The following ENPP1 variants were observed in gnomAD, a reference collection of about 807,000 sequenced individuals.
The protein encoded by ENPP1 is ectonucleotide pyrophosphatase/phosphodiesterase 1, also known as ectonucleotide pyrophosphatase/phosphodiesterase family member 1.
A neutral mutation model predicts 122.8 loss-of-function variants in ENPP1; 73 were observed. That is an observed-to-expected ratio of 0.59 (90% confidence interval 0.49 to 0.72). The LOEUF is 0.72. ENPP1 is among the 30% of genes least tolerant of loss of function. The pLI is 0.00. For missense variants in ENPP1, 978 were observed against 1,128.1 expected, an observed-to-expected ratio of 0.87 and a Z score of 1.91; for synonymous variants, 367 against 391.6, an observed-to-expected ratio of 0.94 and a Z score of 0.74.
At chr6:131,834,261 C>T (rs988581630) in intron 1 of ENPP1, among the ~76,000 whole-genome samples, 2 of 152,082 alleles carry the variant, frequency 1.3e-5, no homozygotes, top group South Asian at 4.1e-4. Flanking sequence ...ATGTTTGGTA[C>T]TTATTGAAAC....
intron 19 of ENPP1, among the ~76,000 whole-genome samples, chr6:131,879,536 T>A (rs1782275251): frequency 6.6e-6 from 1 of 152,170 alleles, no homozygotes; most frequent in Non-Finnish European, 1.5e-5. Flanking sequence ...ATTAAAAAAA[T>A]TTGCTTTCTG....
rs935163874 is a variant in ENPP1 at position 131,891,884 on chromosome 6, G to A, written c.*1373G>A. 2 of 148,208 alleles carry A rather than the reference G, an allele frequency of 1.3e-5. No homozygotes were observed. The highest frequency in any genetic ancestry group is 3.0e-5 in the Non-Finnish European group (2 of 67,432). The allele number at this position is 148,208 out of a possible 1,614,324, so 9.2% of individuals were successfully genotyped here. On this transcript the variant is annotated 3_prime_UTR_variant, in exon 25 of 25. Coordinates refer to ENST00000647893, the MANE Select transcript of ENPP1 (RefSeq NM_006208.3). ...TCGAAGCTCACTGATTCTTTATTCT[G>A]TCTAATCTGTTCTGCTGTTGAGCCC...
chr6:131,852,079 A>C, intron 4 of ENPP1, 96 bp from the exon 5 acceptor site: 1 of 786,186 alleles, frequency 1.3e-6, no homozygotes, highest in Non-Finnish European at 2.3e-6. Flanking sequence ...CTGTTCACAT[A>C]CTTTGTTTTT....
At chr6:131,846,178 T>G (rs1781808649) in intron 1 of ENPP1, among the ~76,000 whole-genome samples, 2 of 152,178 alleles carry the variant, frequency 1.3e-5, no homozygotes, top group South Asian at 4.1e-4. Context: ...TCTGAAGGAA[T>G]GAATTCTTAT....
chr6:131,853,490 C>T (rs6569763), intron 5 of ENPP1, among the ~76,000 whole-genome samples: 45,233 of 151,766 alleles, frequency 0.3, 11,005 homozygotes, highest in African/African-American at 0.68. Context: ...AGTATGTTTA[C>T]GTGATGGCCC....
intron 22 of ENPP1, 25 bp downstream of exon 22, chr6:131,883,799 G>A (rs1383621266): frequency 8.5e-7 from 1 of 1,172,578 alleles, no homozygotes; most frequent in African/African-American, 1.5e-5. Context: ...CTCTATATTT[G>A]ATAATTTTAA....
In ENPP1 at chr6:131,868,085, A is replaced by G; in HGVS notation, c.1232A>G (p.Asn411Ser). ...CTGATGGATGGTCTGAAAGAGCTGA[A>G]CTTGCACAGATGCCTGAACCTCATC... The part of the protein sequence containing the change: ...GMLMDGLKEL[N>S]LHRCLNLILI... The change falls in exon 12 of 25, where the codon AAC becomes AGC. Residue 411 changes from asparagine (N) to serine (S), a missense_variant. By Grantham distance (46) the Asn-to-Ser change is conservative. Coordinates refer to ENST00000647893, the MANE Select transcript of ENPP1 (RefSeq NM_006208.3). 2 of 1,613,622 alleles carry G rather than the reference A, an allele frequency of 1.2e-6. No homozygotes were observed. Among genetic ancestry groups the G allele is most frequent in the Non-Finnish European group, 8.5e-7 (1 of 1,179,690 alleles).
At chr6:131,814,934 A>AT (rs1257205814) in intron 1 of ENPP1, among the ~76,000 whole-genome samples, 5 of 152,150 alleles carry the variant, frequency 3.3e-5, no homozygotes, top group African/African-American at 7.2e-5. Flanking sequence ...AATGTACTGC[A>AT]TTTTTTGTTA....
intron 15 of ENPP1, among the ~76,000 whole-genome samples, chr6:131,873,567 C>CA (rs57978666): frequency 0.076 from 11,559 of 152,036 alleles, 707 homozygotes; most frequent in African/African-American, 0.16. Context: ...TCATTATACA[C>CA]GTTGTTTTTT....
At chr6:131,836,169 A>G (rs564427740) in intron 1 of ENPP1, among the ~76,000 whole-genome samples, 1 of 151,780 alleles carries the variant, frequency 6.6e-6, no homozygotes, top group East Asian at 1.9e-4. Flanking sequence ...CTGGAGTGCA[A>G]TGGAGTGATC....
chr6:131,846,719 G>A (rs891389135), intron 1 of ENPP1, among the ~76,000 whole-genome samples: 12 of 152,166 alleles, frequency 7.9e-5, no homozygotes, highest in South Asian at 2.1e-4. Flanking sequence ...CAGTCTTTGC[G>A]CATCATTGGT....
At position 131,843,383 on chromosome 6, in the gene ENPP1, G is replaced by A. The variant is rs560412589; in HGVS notation, c.241-4393G>A. 2.0e-5 allele frequency among the ~76,000 whole-genome samples: 3 copies of A among 152,270 alleles called. No individual in the cohort carries two copies. The South Asian group carries it at 6.2e-4, about 32-fold the overall frequency. On this transcript the variant is annotated intron_variant, in intron 1 of 24. Transcript: ENST00000647893. ...AAGAACTTCTTTTTAATAATGAAGA[G>A]GTGATTTTTAAAAGTCAGCATGTGT...
chr6:131,811,263 C>G (rs1781346286), intron 1 of ENPP1, among the ~76,000 whole-genome samples: 2 of 151,906 alleles, frequency 1.3e-5, no homozygotes, highest in South Asian at 4.1e-4. Context: ...ATACATATAT[C>G]TGTGTATCTG....
chr6:131,874,222 T>C, intron 15 of ENPP1, 46 bp from the exon 16 acceptor site: 1 of 1,076,706 alleles, frequency 9.3e-7, no homozygotes, highest in South Asian at 1.3e-5. Flanking sequence ...TCAATTATGT[T>C]TTATGAAAGG....
intron 24 of ENPP1, among the ~76,000 whole-genome samples, chr6:131,889,639 C>G (rs1429496585): frequency 6.6e-6 from 1 of 152,100 alleles, no homozygotes; most frequent in African/African-American, 2.4e-5. Flanking sequence ...CCATATACAC[C>G]ATAGTATTCC....
At chr6:131,848,817 A>G (rs1397513151) in intron 2 of ENPP1, among the ~76,000 whole-genome samples, 1 of 152,180 alleles carries the variant, frequency 6.6e-6, no homozygotes, top group Non-Finnish European at 1.5e-5. Flanking sequence ...TATTATTCCA[A>G]TAGACTTCCC....
intron 13 of ENPP1, 87 bp downstream of exon 13, chr6:131,869,576 C>T (rs1025521000): frequency 2.2e-5 from 32 of 1,436,562 alleles, no homozygotes; most frequent in Admixed American, 6.8e-5. Context: ...TGCCTGTAAT[C>T]GCAGCACTTT....
chr6:131,857,227 T>C (rs1781958887), intron 6 of ENPP1, among the ~76,000 whole-genome samples: 1 of 150,106 alleles, frequency 6.7e-6, no homozygotes, highest in Admixed American at 6.6e-5. Flanking sequence ...TCAACCATTG[T>C]GGAAGTCAGT....
At chr6:131,830,989 T>C (rs1302031926) in intron 1 of ENPP1, among the ~76,000 whole-genome samples, 5 of 151,706 alleles carry the variant, frequency 3.3e-5, no homozygotes, top group African/African-American at 1.2e-4. Flanking sequence ...GGCATGTACC[T>C]GTAGTCCCAG....
Sources: allele counts gnomAD v4.1 joint callset (sites outside exome capture counted in the v4.1 genomes callset), GRCh38; gene constraint gnomAD v4.1.1; transcripts MANE v1.5; gene names NCBI Gene and HGNC (gene_info 2026-07-23, HGNC 2026-07-21).